Variants in PLXNA2 observed in about 807,000 individuals in gnomAD.
The protein encoded by PLXNA2 is plexin A2.
A neutral mutation model predicts 193.5 loss-of-function variants in PLXNA2; 91 were observed. The ratio of observed to expected loss-of-function variants is 0.47; its 90% CI spans 0.40 to 0.56. The LOEUF is 0.56. Among genes scored for constraint, PLXNA2 ranks in the 20% least tolerant of loss-of-function variants. PLXNA2 has a pLI of 0.00. For missense variants in PLXNA2, 1,995 were observed against 2,503.2 expected, an observed-to-expected ratio of 0.80 and a Z score of 4.33; for synonymous variants, 997 against 1,027.3, an observed-to-expected ratio of 0.97 and a Z score of 0.56.
At chr1:208,050,289 G>A (rs945986578) in intron 17 of PLXNA2, among the ~76,000 whole-genome samples, 13 of 152,306 alleles carry the variant, frequency 8.5e-5, no homozygotes, top group African/African-American at 3.1e-4. Flanking sequence ...TGGAGGATCC[G>A]GAGGTTAAAT....
Position 208,044,570 on chromosome 1 carries a change from A to G in PLXNA2, c.3812T>C (p.Leu1271Pro). ...KRKSRENDLTLKRLQMQMDNL... is the reference protein window; with the variant it reads ...KRKSRENDLTPKRLQMQMDNL... ...GTCCATCTGCATTTGCAGCCGCTTGAGAGTGAGGTCATTTTCTCGAGACTT... is the reference window on the plus strand; with the variant it reads ...GTCCATCTGCATTTGCAGCCGCTTGGGAGTGAGGTCATTTTCTCGAGACTT... The change falls in exon 20 of 32, where the codon CTC (leucine) becomes CCC (proline). Residue 1271 changes from leucine (L) to proline (P), a missense_variant. Coordinates refer to ENST00000367033, the MANE Select transcript of PLXNA2 (RefSeq NM_025179.4). The surrounding 1 kb of genome is among the most constrained non-coding windows in gnomAD (Gnocchi z 4.9). The G allele has an allele frequency of 6.2e-7, 1 of 1,614,180 alleles. No homozygotes were observed. Among genetic ancestry groups the G allele is most frequent in the Non-Finnish European group, 8.5e-7 (1 of 1,180,038 alleles).
At chr1:208,043,710 T>C (rs147762459) in intron 20 of PLXNA2, among the ~76,000 whole-genome samples, 127 of 152,314 alleles carry the variant, frequency 8.3e-4, no homozygotes, top group African/African-American at 3.0e-3. Flanking sequence ...GGCACACCTG[T>C]CTTCCTGGCT....
intron 3 of PLXNA2, among the ~76,000 whole-genome samples, chr1:208,186,140 G>T (rs913856737): frequency 2.0e-5 from 3 of 152,174 alleles, no homozygotes; most frequent in Admixed American, 6.5e-5. Context: ...GGCCCAGGAG[G>T]GTAGGAGGAA....
At chr1:208,124,359 C>T (rs1003780832) in intron 4 of PLXNA2, among the ~76,000 whole-genome samples, 1 of 152,046 alleles carries the variant, frequency 6.6e-6, no homozygotes, top group African/African-American at 2.4e-5. Context: ...TATGTACCCC[C>T]GAACCTTAAA....
chr1:208,120,603 G>T lies in PLXNA2; in HGVS notation c.1507-17356C>A, dbSNP rs114552486. On this transcript the variant is annotated intron_variant, in intron 4 of 31. Transcript: ENST00000367033. ...CCCATCTAGGCACATGCCTTGGTAA[G>T]ATGAATGAGGACTTTTGTTTCAGCC... Among the ~76,000 whole-genome samples the T allele has an allele frequency of 3.3e-3, 496 of 152,332 alleles. 1 individual carries two copies. The highest frequency in any genetic ancestry group is 0.011 in the African/African-American group (439 of 41,580).
intron 8 of PLXNA2, among the ~76,000 whole-genome samples, chr1:208,095,430 C>G (rs2498019): frequency 0.16 from 25,071 of 152,162 alleles, 2,407 homozygotes; most frequent in East Asian, 0.34. Flanking sequence ...TAAAGTCAAG[C>G]CCCACTGAAG....
chr1:208,132,423 G>A (rs1412578189), intron 4 of PLXNA2, among the ~76,000 whole-genome samples: 1 of 152,162 alleles, frequency 6.6e-6, no homozygotes, highest in East Asian at 1.9e-4. Flanking sequence ...GGTGTGGGGT[G>A]GAGTCCCAGC....
chr1:208,160,852 G>A (rs1457972935), intron 3 of PLXNA2, among the ~76,000 whole-genome samples: 2 of 152,168 alleles, frequency 1.3e-5, no homozygotes, highest in Non-Finnish European at 2.9e-5. Context: ...ACTTTTACAC[G>A]TCCCCATCTC....
intron 12 of PLXNA2, among the ~76,000 whole-genome samples, chr1:208,062,852 C>T (rs1455663626): frequency 6.6e-6 from 1 of 152,102 alleles, no homozygotes; most frequent in Non-Finnish European, 1.5e-5. Context: ...AACAATAATC[C>T]ACCCTGGCTG....
intron 3 of PLXNA2, among the ~76,000 whole-genome samples, chr1:208,167,731 G>A (rs1318606660): frequency 4.6e-5 from 7 of 152,324 alleles, no homozygotes; most frequent in East Asian, 3.9e-4. Context: ...CAGCCCGCAC[G>A]TGGTGCATAA....
chr1:208,079,348 G>A lies in PLXNA2; in HGVS notation c.2498C>T (p.Thr833Ile), dbSNP rs1350735929. 1.9e-6 allele frequency: 3 copies of A among 1,613,840 alleles called. No homozygotes were observed. ...AGGGCTGGTACAGTGCTGGTGGAGG[G>A]TGCACCTGCGCTCGCCGCTGCACCA... is the stretch of plus-strand genomic sequence containing the variant. ...CGWCSGERRC[T>I]LHQHCTSPSS... is the part of the protein sequence containing the mutation. Residue 833 changes from threonine to isoleucine, a missense_variant, in exon 12 of 32, where the codon ACC becomes ATC. Coordinates refer to ENST00000367033, the MANE Select transcript of PLXNA2 (RefSeq NM_025179.4).
At chr1:208,238,773 G>A (rs1006007988) in intron 1 of PLXNA2, among the ~76,000 whole-genome samples, 2 of 152,234 alleles carry the variant, frequency 1.3e-5, no homozygotes, top group South Asian at 4.1e-4. Context: ...TACTACCTGA[G>A]AGTCTCAAAA....
chr1:208,061,734 T>C (rs1182974790), intron 12 of PLXNA2, among the ~76,000 whole-genome samples: 8 of 152,210 alleles, frequency 5.3e-5, no homozygotes, highest in Admixed American at 5.2e-4. Context: ...TAAAGTTCTA[T>C]CTGGGAACAG....
chr1:208,113,543 T>G (rs1384911434), intron 4 of PLXNA2, among the ~76,000 whole-genome samples: 1 of 97,806 alleles, frequency 1.0e-5, no homozygotes, highest in Admixed American at 1.4e-4. Flanking sequence ...ATGCTCTCTC[T>G]CTCTTTTTTT....
At chr1:208,185,492 A>G (rs1457315895) in intron 3 of PLXNA2, among the ~76,000 whole-genome samples, 3 of 152,018 alleles carry the variant, frequency 2.0e-5, no homozygotes, top group Non-Finnish European at 4.4e-5. Flanking sequence ...TTTCCATGAC[A>G]CTATAGAAAA....
At chr1:208,050,156 A>C (rs1665209550) in intron 17 of PLXNA2, among the ~76,000 whole-genome samples, 1 of 152,248 alleles carries the variant, frequency 6.6e-6, no homozygotes, top group Non-Finnish European at 1.5e-5. Context: ...TCATCTTAGC[A>C]ACCTAGGTGG....
chr1:208,062,682 A>G (rs549465281), intron 12 of PLXNA2, among the ~76,000 whole-genome samples: 1 of 152,314 alleles, frequency 6.6e-6, no homozygotes, highest in South Asian at 2.1e-4. Context: ...AACAGCACAC[A>G]TGAAATGAAT....
intron 9 of PLXNA2, among the ~76,000 whole-genome samples, chr1:208,092,094 T>C (rs1666733072): frequency 1.3e-5 from 2 of 152,216 alleles, no homozygotes; most frequent in Non-Finnish European, 2.9e-5. Context: ...TTCACTGTCC[T>C]GAGACATGCT....
At chr1:208,223,986 T>C (rs1671430070) in intron 1 of PLXNA2, among the ~76,000 whole-genome samples, 2 of 152,038 alleles carry the variant, frequency 1.3e-5, no homozygotes, top group African/African-American at 4.8e-5. Flanking sequence ...AATGTGAGAG[T>C]CTGAGGCCCC....
Sources: allele counts gnomAD v4.1 joint callset (sites outside exome capture counted in the v4.1 genomes callset), GRCh38; gene constraint gnomAD v4.1.1; non-coding constraint Gnocchi (gnomAD v3.1); transcripts MANE v1.5; gene names NCBI Gene and HGNC (gene_info 2026-07-23, HGNC 2026-07-21).